The following UGGT2 variants were observed in gnomAD, a reference collection of about 807,000 sequenced individuals.
UGGT2 encodes UDP-glucose glycoprotein glucosyltransferase 2.
In UGGT2, 180 loss-of-function variants were observed where a neutral mutation model predicts 192.1. That is an observed-to-expected ratio of 0.94 (90% confidence interval 0.83 to 1.06). The LOEUF (loss-of-function observed/expected upper bound fraction) is 1.06. Ranked by LOEUF, UGGT2 falls within the 50% of genes least tolerant of loss-of-function variation. UGGT2 has a pLI of 0.00. For missense variants in UGGT2, 1,849 were observed against 1,795.7 expected (o/e 1.03, Z -0.54); for synonymous variants, 580 against 591.0 (o/e 0.98, Z 0.27).
intron 1 of UGGT2, among the ~76,000 whole-genome samples, chr13:96,044,008 A>C (rs1239920596): frequency 6.6e-6 from 1 of 152,180 alleles, no homozygotes; most frequent in African/African-American, 2.4e-5. Context: ...CCCTGGAAAA[A>C]ATGGACTTAA....
intron 6 of UGGT2, among the ~76,000 whole-genome samples, chr13:95,997,627 A>G (rs2051666278): frequency 6.6e-6 from 1 of 151,366 alleles, no homozygotes; most frequent in Admixed American, 6.6e-5. Context: ...TGGGTGACAG[A>G]GCAATGATTC....
intron 1 of UGGT2, among the ~76,000 whole-genome samples, chr13:96,033,196 G>T (rs2052890984): frequency 6.6e-6 from 1 of 152,212 alleles, no homozygotes; most frequent in African/African-American, 2.4e-5. Context: ...TCAATTCTGT[G>T]AAAATGGCCA....
At chr13:95,812,847 C>T (rs1054456405) in intron 38 of UGGT2, among the ~76,000 whole-genome samples, 1 of 152,112 alleles carries the variant, frequency 6.6e-6, no homozygotes, top group Non-Finnish European at 1.5e-5. Context: ...CCTGAGGCCT[C>T]CCCCATTTAT....
At chr13:95,810,336 A>C (rs1358334083) in intron 38 of UGGT2, among the ~76,000 whole-genome samples, 1 of 152,206 alleles carries the variant, frequency 6.6e-6, no homozygotes, top group East Asian at 1.9e-4. Flanking sequence ...CAGCAACAGG[A>C]GGTGGCTACG....
intron 29 of UGGT2, among the ~76,000 whole-genome samples, chr13:95,875,635 G>T (rs34695030): frequency 2.6e-5 from 4 of 152,108 alleles, no homozygotes; most frequent in African/African-American, 9.7e-5. Flanking sequence ...TCCGTCTGTG[G>T]TATGACTAAT....
At chr13:95,834,850 C>CT (rs768578564) in intron 37 of UGGT2, among the ~76,000 whole-genome samples, 2 of 152,256 alleles carry the variant, frequency 1.3e-5, no homozygotes, top group Non-Finnish European at 2.9e-5. Flanking sequence ...GTTCTCCACA[C>CT]TTTTTTTCCC....
At chr13:95,908,566 G>A (rs1013246375) in intron 20 of UGGT2, among the ~76,000 whole-genome samples, 1 of 152,010 alleles carries the variant, frequency 6.6e-6, no homozygotes, top group African/African-American at 2.4e-5. Context: ...CCCACCAACA[G>A]TGTAAAAGTG....
intron 10 of UGGT2, among the ~76,000 whole-genome samples, chr13:95,982,955 C>G (rs1468553855): frequency 6.6e-6 from 1 of 152,168 alleles, no homozygotes; most frequent in Non-Finnish European, 1.5e-5. Flanking sequence ...ATCAAAACAG[C>G]TGACATTTGT....
intron 10 of UGGT2, among the ~76,000 whole-genome samples, chr13:95,981,981 T>A (rs558123485): frequency 1.3e-5 from 2 of 152,220 alleles, no homozygotes; most frequent in South Asian, 4.1e-4. Context: ...CTGGAAGTAG[T>A]AGGTGATCAA....
intron 38 of UGGT2, among the ~76,000 whole-genome samples, chr13:95,826,656 C>T (rs1332754751): frequency 1.3e-5 from 2 of 151,486 alleles, no homozygotes; most frequent in Admixed American, 6.6e-5. Context: ...TATATATAAG[C>T]TATATGATTA....
At position 95,853,584 on chromosome 13, in the gene UGGT2, C is replaced by T; in HGVS notation, c.4243G>A (p.Ala1415Thr). Residue 1415 changes from alanine to threonine, a missense_variant, in exon 36 of 39, where the codon GCT becomes ACT. Coordinates refer to ENST00000376747, the MANE Select transcript of UGGT2 (RefSeq NM_020121.4). The part of the protein sequence containing the change: ...AGDRLRSQYQ[A>T]LSQDPNSLSN... ...AGACTGTTTGGATCTTGACTGAGAGCTTGATACTGGCTCCTGAGCCTGTCA... is the reference window on the plus strand; with the variant it reads ...AGACTGTTTGGATCTTGACTGAGAGTTTGATACTGGCTCCTGAGCCTGTCA... 6.2e-7 allele frequency: 1 copy of T among 1,611,306 alleles called. No individual in the cohort carries two copies. The highest frequency in any genetic ancestry group is 8.5e-7 in the Non-Finnish European group (1 of 1,179,102).
chr13:95,827,042 A>G (rs943580446), intron 38 of UGGT2, among the ~76,000 whole-genome samples: 35 of 152,168 alleles, frequency 2.3e-4, no homozygotes, highest in African/African-American at 8.2e-4. Context: ...ACATCCTAAT[A>G]TTGGAATTTA....
intron 33 of UGGT2, among the ~76,000 whole-genome samples, chr13:95,858,966 G>C (rs1163806315): frequency 2.0e-5 from 3 of 152,116 alleles, no homozygotes; most frequent in Non-Finnish European, 4.4e-5. Context: ...TTGAAATGCT[G>C]TTGAATGAGA....
At chr13:95,933,318 G>T (rs910111952) in intron 17 of UGGT2, among the ~76,000 whole-genome samples, 1 of 152,098 alleles carries the variant, frequency 6.6e-6, no homozygotes, top group Admixed American at 6.6e-5. Flanking sequence ...TGGGAGACCA[G>T]GAATTTATCC....
intron 17 of UGGT2, among the ~76,000 whole-genome samples, chr13:95,933,963 C>T (rs572629910): frequency 1.1e-4 from 16 of 152,282 alleles, no homozygotes; most frequent in African/African-American, 2.6e-4. Flanking sequence ...GGATTACAGG[C>T]GTGAGCCACC....
chr13:96,039,816 C>T (rs1310660164), intron 1 of UGGT2, among the ~76,000 whole-genome samples: 1 of 152,204 alleles, frequency 6.6e-6, no homozygotes, highest in Non-Finnish European at 1.5e-5. Context: ...CACTACATAA[C>T]AAGGGTTACC....
intron 4 of UGGT2, among the ~76,000 whole-genome samples, chr13:96,016,890 C>T (rs142620805): frequency 5.6e-4 from 86 of 152,282 alleles, no homozygotes; most frequent in African/African-American, 1.9e-3. Flanking sequence ...ACAGCAGCCA[C>T]GTGGGTTGTA....
intron 19 of UGGT2, 104 bp downstream of exon 19, chr13:95,926,924 T>C (rs1482198270): frequency 9.4e-7 from 1 of 1,068,610 alleles, no homozygotes; most frequent in Non-Finnish European, 1.3e-6. Context: ...TCTAGGCCTC[T>C]ACTCAAAAAT....
intron 5 of UGGT2, among the ~76,000 whole-genome samples, chr13:96,000,863 TA>T (rs34072664): frequency 0.4 from 59,802 of 150,410 alleles, 12,026 homozygotes; most frequent in Middle Eastern, 0.45. Flanking sequence ...ATCAACAGGT[TA>T]AAAAAAAAAA....
Sources: allele counts gnomAD v4.1 joint callset (sites outside exome capture counted in the v4.1 genomes callset), GRCh38; gene constraint gnomAD v4.1.1; transcripts MANE v1.5; gene names NCBI Gene and HGNC (gene_info 2026-07-23, HGNC 2026-07-21).